The following TENM3 variants were observed in gnomAD, a reference collection of about 807,000 sequenced individuals.
TENM3 encodes teneurin-3.
A neutral mutation model predicts 255.1 loss-of-function variants in TENM3; 63 were observed. The ratio of observed to expected loss-of-function variants is 0.25; its 90% CI spans 0.20 to 0.30. The LOEUF is 0.30. Among genes scored for constraint, TENM3 ranks in the 10% least tolerant of loss-of-function variants. The pLI is 1.00. For synonymous variants in TENM3, 1,306 were observed against 1,322.3 expected (o/e 0.99, Z 0.27); for missense variants, 2,929 against 3,461.1 (o/e 0.85, Z 3.86).
chr4:181,608,896 G>A, the TENM3 span, among the ~76,000 whole-genome samples: 5 of 152,314 alleles, frequency 3.3e-5, no homozygotes, highest in Middle Eastern at 0.014. Context: ...CCCGCTAATA[G>A]TAGCTGTTTA....
chr4:182,693,160 T>A (rs1013055228), intron 12 of TENM3, among the ~76,000 whole-genome samples: 2 of 152,196 alleles, frequency 1.3e-5, no homozygotes, highest in Non-Finnish European at 2.9e-5. Flanking sequence ...TATTTGTTAA[T>A]TAATTCATTT....
chr4:181,908,221 A>G, the TENM3 span, among the ~76,000 whole-genome samples: 1 of 152,168 alleles, frequency 6.6e-6, no homozygotes, highest in African/African-American at 2.4e-5. Context: ...GTGCCCATAT[A>G]TTTTAAAGTG....
intron 5 of TENM3, among the ~76,000 whole-genome samples, chr4:182,644,065 T>C (rs1455470553): frequency 6.6e-6 from 1 of 152,164 alleles, no homozygotes; most frequent in African/African-American, 2.4e-5. Flanking sequence ...TGCCAAAACC[T>C]TAGAGCACAC....
intron 1 of TENM3, among the ~76,000 whole-genome samples, chr4:182,233,945 C>A (rs1168619840): frequency 6.6e-6 from 1 of 152,220 alleles, no homozygotes; most frequent in Non-Finnish European, 1.5e-5. Flanking sequence ...CGCCTTTCGG[C>A]TTTTCCAGCT....
intron 13 of TENM3, among the ~76,000 whole-genome samples, chr4:182,719,030 C>G (rs1191821468): frequency 6.6e-6 from 1 of 152,118 alleles, no homozygotes; most frequent in Non-Finnish European, 1.5e-5. Flanking sequence ...AGTCAGTTCC[C>G]TTTGACACCT....
chr4:182,515,101 G>T (rs1289444262), intron 3 of TENM3, among the ~76,000 whole-genome samples: 1 of 152,182 alleles, frequency 6.6e-6, no homozygotes, highest in Non-Finnish European at 1.5e-5. Flanking sequence ...CGTCACTGAT[G>T]ATAAGTGAAA....
chr4:181,509,230 T>C, the TENM3 span, among the ~76,000 whole-genome samples: 21 of 152,060 alleles, frequency 1.4e-4, no homozygotes, highest in Admixed American at 2.0e-4. Flanking sequence ...GAGGTCAAAA[T>C]TGGGCAATAA....
chr4:181,525,829 A>G, the TENM3 span, among the ~76,000 whole-genome samples: 82 of 152,314 alleles, frequency 5.4e-4, 1 homozygote, highest in African/African-American at 4.1e-4. Flanking sequence ...CTCAGGCAGA[A>G]CTAAACTTTG....
chr4:181,931,734 G>C, the TENM3 span, among the ~76,000 whole-genome samples: 1 of 152,164 alleles, frequency 6.6e-6, no homozygotes, highest in East Asian at 1.9e-4. Context: ...AAAGAACAAA[G>C]CTGGAGGCAT....
At chr4:182,024,053 T>G in the TENM3 span, among the ~76,000 whole-genome samples, 1 of 152,186 alleles carries the variant, frequency 6.6e-6, no homozygotes, top group Admixed American at 6.5e-5. Flanking sequence ...TATTTCAGTT[T>G]TTAAATGTGT....
chr4:181,522,100 C>CAAAAAAAAAA, the TENM3 span, among the ~76,000 whole-genome samples: 19 of 54,722 alleles, frequency 3.5e-4, no homozygotes, highest in African/African-American at 9.4e-4. Context: ...GACTCCGTCT[C>CAAAAAAAAAA]AAAAAAAAAA....
At chr4:181,909,181 T>G in the TENM3 span, among the ~76,000 whole-genome samples, 2 of 152,218 alleles carry the variant, frequency 1.3e-5, no homozygotes, top group African/African-American at 2.4e-5. Flanking sequence ...GTATCTTCAC[T>G]CCTGTCTTTA....
At chr4:181,853,761 C>T in the TENM3 span, among the ~76,000 whole-genome samples, 125,364 of 152,154 alleles carry the variant, frequency 0.82, 51,828 homozygotes, top group Middle Eastern at 0.85. Context: ...GGGGAAAAAA[C>T]GGTCCCGGAG....
chr4:181,813,260 G>A, the TENM3 span, among the ~76,000 whole-genome samples: 1 of 152,158 alleles, frequency 6.6e-6, no homozygotes, highest in Non-Finnish European at 1.5e-5. Context: ...GCACAGAGGA[G>A]TGGGGAAGAG....
chr4:182,623,127 C>T (rs914242276), intron 4 of TENM3, among the ~76,000 whole-genome samples: 3 of 151,816 alleles, frequency 2.0e-5, no homozygotes, highest in African/African-American at 4.8e-5. Context: ...TCTCCTGCCT[C>T]AGCCTCCCGA....
At chr4:181,582,007 A>C in the TENM3 span, among the ~76,000 whole-genome samples, 1 of 152,340 alleles carries the variant, frequency 6.6e-6, no homozygotes, top group South Asian at 2.1e-4. Flanking sequence ...TGCTGGGATT[A>C]CAGGCATGAG....
At chr4:182,504,303 A>G (rs1736604622) in intron 3 of TENM3, among the ~76,000 whole-genome samples, 2 of 152,144 alleles carry the variant, frequency 1.3e-5, no homozygotes, top group Non-Finnish European at 2.9e-5. Context: ...AGAGACGTAA[A>G]TGCTTTTTAT....
chr4:182,714,743 C>G (rs1485285343), intron 13 of TENM3, among the ~76,000 whole-genome samples: 1 of 152,220 alleles, frequency 6.6e-6, no homozygotes, highest in African/African-American at 2.4e-5. Flanking sequence ...AGATTCCACC[C>G]AGTTGAAGCC....
At chr4:181,522,705 GA>G in the TENM3 span, 1 of 676,156 alleles carries the variant, frequency 1.5e-6, no homozygotes. Flanking sequence ...TCATTATTTT[GA>G]AAAAGATGTT....
Sources: gnomAD v4.1 joint callset for allele counts (sites outside exome capture counted in the v4.1 genomes callset) on GRCh38, gnomAD v4.1.1 for gene constraint, MANE v1.5 for transcripts, NCBI Gene and HGNC (gene_info 2026-07-23, HGNC 2026-07-21) for gene names.